The following NUP35 variants were observed in gnomAD, a reference collection of about 807,000 sequenced individuals.
The protein encoded by NUP35 is nucleoporin NUP35.
A neutral mutation model predicts 41.5 loss-of-function variants in NUP35; 25 were observed. That is an observed-to-expected ratio of 0.60 (90% CI 0.44 to 0.84). NUP35 has a LOEUF of 0.84. NUP35 is among the 40% of genes least tolerant of loss of function. The pLI, the probability that NUP35 is intolerant of heterozygous loss-of-function variation, is 0.00. For missense variants in NUP35, 396 were observed against 396.6 expected (o/e 1.00, Z 0.01); for synonymous variants, 149 against 130.7 (o/e 1.14, Z -0.96).
At chr2:183,155,716 C>CATGA (rs1341494444) in intron 5 of NUP35, among the ~76,000 whole-genome samples, 2 of 151,996 alleles carry the variant, frequency 1.3e-5, no homozygotes, top group Non-Finnish European at 2.9e-5. Context: ...GGATAACAGG[C>CATGA]ATGAGCCAGC....
Position 183,159,527 on chromosome 2 carries a change from C to T in NUP35, c.778C>T (p.Pro260Ser). ...CAGTGACAGATGTGCTTTATCATCTCCATCTTTAGCCTTTACACCACCAAT... is the reference window on the plus strand; with the variant it reads ...CAGTGACAGATGTGCTTTATCATCTTCATCTTTAGCCTTTACACCACCAAT... ...ESSDRCALSS[P>S]SLAFTPPIKT... is the part of the protein sequence containing the mutation. The change falls in exon 8 of 9, where the codon CCA (proline) becomes TCA (serine). Residue 260 changes from proline (P) to serine (S), a missense_variant. Transcript: ENST00000295119. 1 of 1,613,530 alleles carries T rather than the reference C, an allele frequency of 6.2e-7. No homozygotes were observed. Among genetic ancestry groups the T allele is most frequent in the Non-Finnish European group, 8.5e-7 (1 of 1,179,702 alleles).
At chr2:183,147,378 A>G (rs1256965939) in intron 4 of NUP35, among the ~76,000 whole-genome samples, 1 of 152,076 alleles carries the variant, frequency 6.6e-6, no homozygotes, top group Non-Finnish European at 1.5e-5. Context: ...AATTTTTTTT[A>G]TATGGTGAGA....
intron 4 of NUP35, among the ~76,000 whole-genome samples, chr2:183,138,005 C>T (rs763673365): frequency 5.3e-5 from 8 of 151,774 alleles, no homozygotes; most frequent in Non-Finnish European, 8.8e-5. Flanking sequence ...TATGAAAATA[C>T]AAGAGCTGTG....
chr2:183,130,386 CCTTT>C, intron 2 of NUP35, 28 bp from the exon 3 acceptor site: 2 of 1,285,456 alleles, frequency 1.6e-6, no homozygotes, highest in Non-Finnish European at 2.1e-6. Flanking sequence ...AAGAAGAATC[CCTTT>C]TTTTTTTTTT....
intron 5 of NUP35, among the ~76,000 whole-genome samples, chr2:183,155,300 A>T (rs1034806560): frequency 6.6e-6 from 1 of 152,258 alleles, no homozygotes; most frequent in East Asian, 1.9e-4. Context: ...TTAAAAATTC[A>T]AAAGGTATGT....
chr2:183,129,156 C>A (rs931965706), intron 2 of NUP35, among the ~76,000 whole-genome samples: 1 of 152,106 alleles, frequency 6.6e-6, no homozygotes, highest in Non-Finnish European at 1.5e-5. Context: ...GATGTAGATA[C>A]GAATTCTGCC....
intron 1 of NUP35, 92 bp downstream of exon 1, chr2:183,124,589 G>A (rs1410821598): frequency 2.0e-6 from 3 of 1,525,164 alleles, no homozygotes; most frequent in East Asian, 2.3e-5. Context: ...TCAGGCTCTC[G>A]TCTGCTGGTT....
intron 2 of NUP35, among the ~76,000 whole-genome samples, chr2:183,129,220 G>GA (rs1223764460): frequency 6.6e-6 from 1 of 152,118 alleles, no homozygotes; most frequent in South Asian, 2.1e-4. Context: ...GGAAACTTGG[G>GA]GGGGAGGTTT....
chr2:183,135,908 A>G (rs949156777), intron 4 of NUP35, among the ~76,000 whole-genome samples: 1 of 152,076 alleles, frequency 6.6e-6, no homozygotes, highest in African/African-American at 2.4e-5. Flanking sequence ...ACGCAAAAAA[A>G]CTAACCAAAT....
chr2:183,142,853 A>G (rs1685145465), intron 4 of NUP35, among the ~76,000 whole-genome samples: 1 of 151,800 alleles, frequency 6.6e-6, no homozygotes, highest in Non-Finnish European at 1.5e-5. Context: ...ATGTACTTAG[A>G]AATATAGCAT....
At chr2:183,120,422 G>T (rs1317068058), upstream of NUP35, among the ~76,000 whole-genome samples, 1 of 143,272 alleles carries the variant, frequency 7.0e-6, no homozygotes, top group Non-Finnish European at 1.5e-5. Context: ...CTCCAGCCTG[G>T]ATGACAGAGT....
Position 183,151,548 on chromosome 2 carries a change from A to G in NUP35, c.438A>G (p.Arg146=), listed in dbSNP as rs921101550. Residue 146 remains arginine (R), a synonymous_variant, in exon 5 of 9, where the codon CGA becomes CGG. Transcript: ENST00000295119. ...MFSPASIGQP[R]KTTLSPAQLD... ...GTCCAGCAAGTATCGGTCAGCCACG[A>G]AAGACGACATTATCTCCTGCCCAGT... 17 of 1,613,970 alleles carry G rather than the reference A, an allele frequency of 1.1e-5. No individual in the cohort carries two copies. The Admixed American group carries it at 1.8e-4, about 17-fold the overall frequency.
chr2:183,128,158 T>G, intron 1 of NUP35, 129 bp from the exon 2 acceptor site: 1 of 511,540 alleles, frequency 2.0e-6, no homozygotes, highest in Non-Finnish European at 3.2e-6. Flanking sequence ...AATTCAACTA[T>G]GGTTCTATTA....
intron 4 of NUP35, among the ~76,000 whole-genome samples, chr2:183,146,449 C>G (rs979194164): frequency 3.9e-5 from 6 of 152,244 alleles, no homozygotes; most frequent in African/African-American, 1.2e-4. Flanking sequence ...CTAGACCTTA[C>G]TAGACAACAA....
At position 183,140,749 on chromosome 2, in the gene NUP35, G is replaced by T. The variant is rs147492724; in HGVS notation, c.397+7126G>T. On this transcript the variant is annotated intron_variant, in intron 4 of 8. Transcript: ENST00000295119. Reference sequence around the variant, plus strand: ...GAGGCAGGAGAATCAGTTGAACTGGGGAGGTGGAAGTGGCAGTGAGCCGAG... The same window carrying T: ...GAGGCAGGAGAATCAGTTGAACTGGTGAGGTGGAAGTGGCAGTGAGCCGAG... Among the ~76,000 whole-genome samples, 638 of 150,886 alleles carry T rather than the reference G, an allele frequency of 4.2e-3. 6 individuals carry two copies. The highest frequency in any genetic ancestry group is 0.015 in the African/African-American group (608 of 41,116).
intron 1 of NUP35, among the ~76,000 whole-genome samples, chr2:183,127,177 A>G (rs560869360): frequency 3.9e-5 from 6 of 152,346 alleles, no homozygotes; most frequent in African/African-American, 1.4e-4. Flanking sequence ...GGGAAATAAT[A>G]TCTACTCTAT....
At position 183,158,319 on chromosome 2, in the gene NUP35, C is replaced by G. The variant is rs1164284013; in HGVS notation, c.646C>G (p.Gln216Glu). Residue 216 changes from glutamine (Q) to glutamate (E), a missense_variant, in exon 7 of 9, where the codon CAA (glutamine) becomes GAA (glutamate). By Grantham distance (29) the Gln-to-Glu change is conservative. Transcript: ENST00000295119. Reference protein sequence around the residue: ...NTGNWMHIRYQSKLQARKALS... With the variant: ...NTGNWMHIRYESKLQARKALS... ...AGGAAATTGGATGCATATTCGTTAT[C>G]AATCTAAACTGCAGGCTCGGAAAGC... The G allele has an allele frequency of 6.2e-7, 1 of 1,603,908 alleles. No homozygotes were observed. The highest frequency in any genetic ancestry group is 1.3e-5 in the African/African-American group (1 of 74,730).
rs1478190674 is a variant in NUP35 at position 183,130,400 on chromosome 2, T to A, written c.212-18T>A. 10 of 1,398,890 alleles carry A rather than the reference T, an allele frequency of 7.1e-6. No homozygotes were observed. Among genetic ancestry groups the A allele is most frequent in the East Asian group, 5.3e-5 (2 of 37,964 alleles). 86.7% of individuals were successfully genotyped at this position (1,398,890 alleles called of 1,614,324 possible). ...AAAGAAGAATCCCTTTTTTTTTTTT[T>A]TTTTTTGTACACTGTAGGTGGGTCA... On this transcript the variant is annotated intron_variant, in intron 2 of 8. Coordinates refer to ENST00000295119, the MANE Select transcript of NUP35 (RefSeq NM_138285.5).
At chr2:183,120,525 G>C (rs1196764411), upstream of NUP35, among the ~76,000 whole-genome samples, 2 of 151,960 alleles carry the variant, frequency 1.3e-5, no homozygotes, top group Non-Finnish European at 2.9e-5. Context: ...GGAGATGTAA[G>C]GAGTTGACTG....
Sources: allele counts gnomAD v4.1 joint callset (sites outside exome capture counted in the v4.1 genomes callset), GRCh38; gene constraint gnomAD v4.1.1; transcripts MANE v1.5; gene names NCBI Gene and HGNC (gene_info 2026-07-23, HGNC 2026-07-21).